The following PEBP4 variants were observed in gnomAD, a reference collection of about 807,000 sequenced individuals.
PEBP4 encodes phosphatidylethanolamine-binding protein 4.
In PEBP4, 22 loss-of-function variants were observed where a neutral mutation model predicts 23.9. The ratio of observed to expected loss-of-function variants is 0.92; its 90% CI spans 0.66 to 1.31. The LOEUF (loss-of-function observed/expected upper bound fraction) is 1.31, where lower values mean the gene tolerates loss of function less well. PEBP4 is among the 40% of genes most tolerant of loss of function. The pLI is 0.00. For missense variants in PEBP4, 324 were observed against 281.7 expected, an observed-to-expected ratio of 1.15 and a Z score of -1.07; for synonymous variants, 112 against 99.3, an observed-to-expected ratio of 1.13 and a Z score of -0.76.
At chr8:22,841,882 C>T (rs1291796637) in intron 3 of PEBP4, among the ~76,000 whole-genome samples, 1 of 152,214 alleles carries the variant, frequency 6.6e-6, no homozygotes, top group African/African-American at 2.4e-5. Flanking sequence ...AGAGAACCAT[C>T]GTAGGCCTGC....
intron 4 of PEBP4, among the ~76,000 whole-genome samples, chr8:22,732,662 GTGTATGCACA>G: frequency 7.2e-6 from 1 of 137,988 alleles, no homozygotes; most frequent in Non-Finnish European, 1.6e-5. Context: ...GTGTGTGTGT[GTGTATGCACA>G]TGTGTGTATG....
chr8:22,838,408 G>C (rs971365217), intron 3 of PEBP4, among the ~76,000 whole-genome samples: 1 of 152,150 alleles, frequency 6.6e-6, no homozygotes, highest in African/African-American at 2.4e-5. Flanking sequence ...GGATGAGCCC[G>C]TTGGACTGCT....
At chr8:22,864,721 C>T (rs954360929) in intron 3 of PEBP4, among the ~76,000 whole-genome samples, 3 of 152,230 alleles carry the variant, frequency 2.0e-5, no homozygotes, top group African/African-American at 7.2e-5. Flanking sequence ...TGTGTAGCAC[C>T]TTCTCGGCAG....
chr8:22,909,999 G>A (rs1278967514), intron 3 of PEBP4, among the ~76,000 whole-genome samples: 1 of 152,238 alleles, frequency 6.6e-6, no homozygotes, highest in Non-Finnish European at 1.5e-5. Context: ...TAATACAACT[G>A]TACTTTAGAG....
chr8:22,809,534 C>T (rs1470482788), intron 4 of PEBP4, among the ~76,000 whole-genome samples: 11 of 152,032 alleles, frequency 7.2e-5, no homozygotes, highest in African/African-American at 2.4e-4. Flanking sequence ...TGAGTAGGCA[C>T]GTAGGTTTTG....
intron 4 of PEBP4, among the ~76,000 whole-genome samples, chr8:22,788,858 C>T (rs1301071569): frequency 6.6e-6 from 1 of 152,102 alleles, no homozygotes; most frequent in Middle Eastern, 3.4e-3. Context: ...TTCATTGTAG[C>T]GTTGGTGATA....
At chr8:22,914,513 C>T (rs1383079719) in intron 3 of PEBP4, among the ~76,000 whole-genome samples, 1 of 152,238 alleles carries the variant, frequency 6.6e-6, no homozygotes, top group African/African-American at 2.4e-5. Context: ...TCCTCATTCA[C>T]TCCTTGGTCC....
At chr8:22,909,375 T>G (rs1808886678) in intron 3 of PEBP4, among the ~76,000 whole-genome samples, 2 of 152,152 alleles carry the variant, frequency 1.3e-5, no homozygotes, top group South Asian at 4.1e-4. Context: ...TTCTTCTGAC[T>G]CAATGTCAGG....
rs542236374 is a variant in PEBP4, at chr8:22,808,982, C to T, written c.357+8655G>A. ...CTTCTCTCCTTCAAGGTCTTTAAAGCGATAACCACACAGGCAGCTCATTCT... is the reference window on the plus strand; with the variant it reads ...CTTCTCTCCTTCAAGGTCTTTAAAGTGATAACCACACAGGCAGCTCATTCT... On this transcript the variant is annotated intron_variant, in intron 4 of 6. Transcript: ENST00000256404. Among the ~76,000 whole-genome samples, 158 of 152,290 alleles carry T rather than the reference C, an allele frequency of 1.0e-3. 1 individual carries two copies. The highest frequency in any genetic ancestry group is 1.9e-3 in the Non-Finnish European group (128 of 68,026).
intron 4 of PEBP4, among the ~76,000 whole-genome samples, chr8:22,787,941 C>T (rs942960693): frequency 2.0e-5 from 3 of 152,028 alleles, no homozygotes; most frequent in African/African-American, 2.4e-5. Context: ...GTTTACGTTT[C>T]GTTGATAACG....
At chr8:22,927,523 C>T in intron 2 of PEBP4, 61 bp downstream of exon 2, 20 of 1,553,530 alleles carry the variant, frequency 1.3e-5, no homozygotes, top group Non-Finnish European at 1.6e-5. Context: ...TATACCCCTC[C>T]CTGCCATCTA....
At chr8:22,911,998 C>G (rs950078388) in intron 3 of PEBP4, among the ~76,000 whole-genome samples, 3 of 152,010 alleles carry the variant, frequency 2.0e-5, no homozygotes, top group African/African-American at 7.3e-5. Flanking sequence ...CCTGAGCTGC[C>G]GGCAAGATCT....
intron 4 of PEBP4, among the ~76,000 whole-genome samples, chr8:22,738,558 C>A (rs1003838835): frequency 1.3e-5 from 2 of 152,108 alleles, no homozygotes; most frequent in African/African-American, 4.8e-5. Context: ...GGAGCTGGGA[C>A]CAGAATGAGG....
At chr8:22,829,886 C>A (rs1049452349) in intron 3 of PEBP4, among the ~76,000 whole-genome samples, 1 of 152,222 alleles carries the variant, frequency 6.6e-6, no homozygotes, top group African/African-American at 2.4e-5. Context: ...TTAATCCAAT[C>A]TGCCCCCATC....
chr8:22,875,834 G>T (rs1808108579), intron 3 of PEBP4, among the ~76,000 whole-genome samples: 1 of 152,066 alleles, frequency 6.6e-6, no homozygotes, highest in African/African-American at 2.4e-5. Flanking sequence ...TCTTGGTATT[G>T]CATTGAGTCT....
intron 3 of PEBP4, among the ~76,000 whole-genome samples, chr8:22,845,876 C>A (rs1298031459): frequency 6.6e-6 from 1 of 152,232 alleles, no homozygotes; most frequent in African/African-American, 2.4e-5. Context: ...ACGGGCCTGG[C>A]CCGGCACAGA....
At chr8:22,928,446 G>A (rs573323881), upstream of PEBP4, among the ~76,000 whole-genome samples, 1 of 151,068 alleles carries the variant, frequency 6.6e-6, no homozygotes, top group East Asian at 1.9e-4. Flanking sequence ...CAAAATAATC[G>A]TATCTGGAGA....
chr8:22,898,509 A>G (rs1031109078), intron 3 of PEBP4, among the ~76,000 whole-genome samples: 2 of 149,900 alleles, frequency 1.3e-5, no homozygotes, highest in Admixed American at 1.3e-4. Flanking sequence ...CAATCCTCCC[A>G]GCCAGCCATC....
chr8:22,888,774 G>A (rs1220211498), intron 3 of PEBP4, among the ~76,000 whole-genome samples: 4 of 152,168 alleles, frequency 2.6e-5, no homozygotes, highest in Non-Finnish European at 2.9e-5. Flanking sequence ...GTGCCCAGCT[G>A]ACTGGTTCCT....
Sources: gnomAD v4.1 joint callset for allele counts (sites outside exome capture counted in the v4.1 genomes callset) on GRCh38, gnomAD v4.1.1 for gene constraint, MANE v1.5 for transcripts, NCBI Gene and HGNC (gene_info 2026-07-23, HGNC 2026-07-21) for gene names.